ANGPT1: variants seen among roughly 807,000 people sequenced by gnomAD.
The protein encoded by ANGPT1 is angiopoietin-1.
ANGPT1 carries 17 observed loss-of-function variants against 62.2 expected under a neutral mutation model. The ratio of observed to expected loss-of-function variants is 0.27; its 90% CI spans 0.19 to 0.41. The LOEUF (loss-of-function observed/expected upper bound fraction) is 0.41, where lower values mean the gene tolerates loss of function less well. Among genes scored for constraint, ANGPT1 ranks in the 10% least tolerant of loss-of-function variants. The pLI, the probability that ANGPT1 is intolerant of heterozygous loss-of-function variation, is 1.00. For synonymous variants in ANGPT1, 199 were observed against 198.9 expected, an observed-to-expected ratio of 1.00 and a Z score of 0.00; for missense variants, 478 against 594.9, an observed-to-expected ratio of 0.80 and a Z score of 2.04.
chr8:107,435,378 A>T (rs755110623), intron 1 of ANGPT1, among the ~76,000 whole-genome samples: 4 of 152,266 alleles, frequency 2.6e-5, no homozygotes, highest in Non-Finnish European at 5.9e-5. Flanking sequence ...TAGAGACGTT[A>T]CTACGGACAG....
At chr8:107,328,885 T>A (rs1020156892) in intron 3 of ANGPT1, among the ~76,000 whole-genome samples, 1 of 151,900 alleles carries the variant, frequency 6.6e-6, no homozygotes, top group African/African-American at 2.4e-5. Context: ...CATCACTAAT[T>A]ATAGTTTTGA....
intron 6 of ANGPT1, among the ~76,000 whole-genome samples, chr8:107,289,459 T>C (rs1814221901): frequency 1.3e-5 from 2 of 152,150 alleles, no homozygotes; most frequent in South Asian, 4.1e-4. Context: ...ATGGGTTGCA[T>C]CTTTTTTCAC....
intron 1 of ANGPT1, among the ~76,000 whole-genome samples, chr8:107,409,784 G>T (rs765227203): frequency 2.7e-5 from 4 of 150,742 alleles, no homozygotes; most frequent in African/African-American, 9.8e-5. Context: ...CTAAAGTTTC[G>T]GAACCCTCAC....
intron 1 of ANGPT1, among the ~76,000 whole-genome samples, chr8:107,413,151 T>C (rs992605793): frequency 6.6e-6 from 1 of 152,228 alleles, no homozygotes; most frequent in Non-Finnish European, 1.5e-5. Flanking sequence ...GGCATATGAC[T>C]ATTCAATTTA....
At chr8:107,258,787 T>C (rs1439419275) in intron 8 of ANGPT1, among the ~76,000 whole-genome samples, 2 of 152,206 alleles carry the variant, frequency 1.3e-5, no homozygotes, top group Non-Finnish European at 2.9e-5. Flanking sequence ...TAGTCATCTC[T>C]TTGTTCCATG....
At chr8:107,461,766 A>G (rs1179054827) in intron 1 of ANGPT1, among the ~76,000 whole-genome samples, 1 of 151,882 alleles carries the variant, frequency 6.6e-6, no homozygotes, top group African/African-American at 2.4e-5. Flanking sequence ...TATTTTAATA[A>G]ATGAATGAAT....
intron 1 of ANGPT1, among the ~76,000 whole-genome samples, chr8:107,401,272 G>C (rs1161497889): frequency 6.9e-6 from 1 of 145,510 alleles, no homozygotes; most frequent in East Asian, 2.0e-4. Context: ...CACTAAACAA[G>C]AAAAAAAAAA....
chr8:107,331,531 G>A (rs992011630), intron 3 of ANGPT1, among the ~76,000 whole-genome samples: 5 of 152,058 alleles, frequency 3.3e-5, no homozygotes, highest in African/African-American at 1.2e-4. Flanking sequence ...TAATAATTAA[G>A]GCAGAGAATC....
intron 1 of ANGPT1, among the ~76,000 whole-genome samples, chr8:107,363,695 A>G (rs1258865056): frequency 6.6e-6 from 1 of 152,176 alleles, no homozygotes; most frequent in Non-Finnish European, 1.5e-5. Context: ...ACAAGCTTCA[A>G]ATGGGAAGAA....
At chr8:107,328,240 T>C (rs1486178894) in intron 3 of ANGPT1, among the ~76,000 whole-genome samples, 1 of 152,078 alleles carries the variant, frequency 6.6e-6, no homozygotes, top group East Asian at 1.9e-4. Context: ...AAAGAGTAAT[T>C]TTTCTCCCCA....
At chr8:107,349,139 T>TAGATAGAC in intron 1 of ANGPT1, among the ~76,000 whole-genome samples, 1 of 151,368 alleles carries the variant, frequency 6.6e-6, no homozygotes, top group East Asian at 1.9e-4. Flanking sequence ...GATAGATAGA[T>TAGATAGAC]AGATAGATAG....
intron 1 of ANGPT1, among the ~76,000 whole-genome samples, chr8:107,360,394 T>A (rs1462338791): frequency 6.6e-6 from 1 of 152,126 alleles, no homozygotes; most frequent in African/African-American, 2.4e-5. Flanking sequence ...TGATCAGGAC[T>A]ACAGAGCCCA....
chr8:107,342,208 A>G (rs1306204651), intron 2 of ANGPT1, among the ~76,000 whole-genome samples: 1 of 152,238 alleles, frequency 6.6e-6, no homozygotes, highest in Non-Finnish European at 1.5e-5. Flanking sequence ...ATCAACACAC[A>G]AGCCTCAGCA....
intron 3 of ANGPT1, among the ~76,000 whole-genome samples, chr8:107,323,948 T>A (rs1444818746): frequency 1.3e-5 from 2 of 151,758 alleles, no homozygotes; most frequent in Admixed American, 6.6e-5. Flanking sequence ...CCCAGCTAAT[T>A]TTTTGTATTT....
At chr8:107,271,151 C>T (rs188280093) in intron 7 of ANGPT1, among the ~76,000 whole-genome samples, 174 of 152,078 alleles carry the variant, frequency 1.1e-3, no homozygotes, top group Non-Finnish European at 2.3e-3. Context: ...CCACTTGTGT[C>T]TGGAAAGACA....
At position 107,416,616 on chromosome 8, in the gene ANGPT1, G is replaced by A. The variant is rs118148720; in HGVS notation, c.298-69519C>T. Among the ~76,000 whole-genome samples, 748 of 152,198 alleles carry A rather than the reference G, an allele frequency of 4.9e-3. 14 individuals are homozygous for A. The highest frequency in any genetic ancestry group is 0.035 in the East Asian group (179 of 5,140). On this transcript the variant is annotated intron_variant, in intron 1 of 8. Transcript: ENST00000517746. ...GGATTGAAGCATGGACAACCATGTA[G>A]AAGTGTGATTGGACAAAAAGGGTAT...
At chr8:107,291,776 CTCATA>C (rs1426542958) in intron 6 of ANGPT1, among the ~76,000 whole-genome samples, 2 of 151,256 alleles carry the variant, frequency 1.3e-5, no homozygotes, top group South Asian at 2.1e-4. Context: ...TCTTTTATCC[CTCATA>C]TATTTTTAGA....
At chr8:107,426,627 G>A (rs911794070) in intron 1 of ANGPT1, among the ~76,000 whole-genome samples, 1 of 152,102 alleles carries the variant, frequency 6.6e-6, no homozygotes, top group Admixed American at 6.5e-5. Context: ...TGATCTTCTA[G>A]GAGGGAGGAT....
chr8:107,438,193 C>T (rs770525848), intron 1 of ANGPT1, among the ~76,000 whole-genome samples: 3 of 152,182 alleles, frequency 2.0e-5, no homozygotes, highest in Admixed American at 6.5e-5. Flanking sequence ...AATAATGGCC[C>T]ATGTGAAATC....
Sources: allele counts gnomAD v4.1 joint callset (sites outside exome capture counted in the v4.1 genomes callset), GRCh38; gene constraint gnomAD v4.1.1; transcripts MANE v1.5; gene names NCBI Gene and HGNC (gene_info 2026-07-23, HGNC 2026-07-21).